CAMTA1: variants seen among roughly 807,000 people sequenced by gnomAD.
CAMTA1 encodes the protein calmodulin binding transcription activator 1.
Under a neutral mutation model 170.9 loss-of-function variants are expected in CAMTA1, and 27 were observed. The observed-to-expected ratio is 0.16, with a 90% confidence interval of 0.12 to 0.22. The LOEUF (loss-of-function observed/expected upper bound fraction) is 0.22. Among genes scored for constraint, CAMTA1 ranks in the 10% least tolerant of loss-of-function variants. CAMTA1 has a pLI of 1.00. For missense variants in CAMTA1, 1,619 were observed against 2,217.2 expected, an observed-to-expected ratio of 0.73 and a Z score of 5.42; for synonymous variants, 833 against 891.5, an observed-to-expected ratio of 0.93 and a Z score of 1.17.
At chr1:7,676,442 T>TG (rs2096121655) in intron 10 of CAMTA1, among the ~76,000 whole-genome samples, 3 of 152,312 alleles carry the variant, frequency 2.0e-5, no homozygotes, top group Non-Finnish European at 4.4e-5. Flanking sequence ...CCACCCAGGA[T>TG]GGACAGCGGC....
intron 1 of CAMTA1, chr1:6,807,133 TG>T: frequency 3.9e-6 from 2 of 507,560 alleles, no homozygotes; most frequent in East Asian, 3.1e-5. Flanking sequence ...TCTGCAAGGT[TG>T]GGGGAGGCTT....
At chr1:7,170,583 T>G (rs1036449764) in intron 4 of CAMTA1, among the ~76,000 whole-genome samples, 2 of 152,168 alleles carry the variant, frequency 1.3e-5, no homozygotes, top group Admixed American at 6.5e-5. Context: ...TCTGTTTCTG[T>G]GTTAATTTGC....
At chr1:7,162,829 G>A (rs1362590293) in intron 4 of CAMTA1, among the ~76,000 whole-genome samples, 1 of 152,194 alleles carries the variant, frequency 6.6e-6, no homozygotes, top group Non-Finnish European at 1.5e-5. Context: ...AGACATAGGG[G>A]TGGAATTGCT....
chr1:6,964,587 T>C (rs1268010771), intron 3 of CAMTA1, among the ~76,000 whole-genome samples: 1 of 152,196 alleles, frequency 6.6e-6, no homozygotes, highest in Admixed American at 6.5e-5. Context: ...TATGGACACT[T>C]TATACTAAGG....
At chr1:6,805,376 G>A (rs1216534458) in intron 1 of CAMTA1, among the ~76,000 whole-genome samples, 1 of 152,164 alleles carries the variant, frequency 6.6e-6, no homozygotes, top group African/African-American at 2.4e-5. Context: ...TGAGTCAATT[G>A]AATTTTTGCT....
rs368369547 is a variant in CAMTA1 at position 7,558,674 on chromosome 1, C to T, written c.511-81726C>T. Among the ~76,000 whole-genome samples, 27 of 152,340 alleles carry T rather than the reference C, an allele frequency of 1.8e-4. No homozygotes were observed. The East Asian group carries it at 2.7e-3, about 15-fold the overall frequency. On this transcript the variant is annotated intron_variant, in intron 6 of 22. Coordinates refer to ENST00000303635, the MANE Select transcript of CAMTA1 (RefSeq NM_015215.4). ...AGCCCCGAAACACACGGAACTCACCCGCTCTGCGGGTCTGGGGTGCAGAGG... is the reference window on the plus strand; with the variant it reads ...AGCCCCGAAACACACGGAACTCACCTGCTCTGCGGGTCTGGGGTGCAGAGG...
At chr1:6,902,501 A>G (rs149891659) in intron 3 of CAMTA1, among the ~76,000 whole-genome samples, 83 of 152,306 alleles carry the variant, frequency 5.4e-4, no homozygotes, top group African/African-American at 1.8e-3. Flanking sequence ...CCAAAATTGT[A>G]TGGGAAGAAA....
chr1:7,183,880 T>A (rs1652725322), intron 4 of CAMTA1, among the ~76,000 whole-genome samples: 1 of 152,190 alleles, frequency 6.6e-6, no homozygotes, highest in African/African-American at 2.4e-5. Flanking sequence ...AAATTGTACC[T>A]AAACAGAGCT....
chr1:7,505,537 G>T (rs1001279589), intron 6 of CAMTA1, among the ~76,000 whole-genome samples: 8 of 152,156 alleles, frequency 5.3e-5, no homozygotes, highest in Non-Finnish European at 1.0e-4. Flanking sequence ...GCCGGGAGGG[G>T]ACCTGGACTT....
At chr1:6,895,864 T>C (rs1417863363) in intron 3 of CAMTA1, among the ~76,000 whole-genome samples, 2 of 152,158 alleles carry the variant, frequency 1.3e-5, no homozygotes, top group African/African-American at 2.4e-5. Flanking sequence ...GTAGCATTTA[T>C]TACTGTCTGA....
rs79955905 is a variant in CAMTA1, at chr1:6,806,019, A to C, written c.46-14162A>C. ...GCTCTGACATTTAGTTCTCTGATAG[A>C]TCTTCAGTTAATTTTTGTACACAGT... On this transcript the variant is annotated intron_variant, in intron 1 of 22. Transcript: ENST00000303635. 7.0e-4 allele frequency among the ~76,000 whole-genome samples: 107 copies of C among 152,164 alleles called. 3 individuals carry two copies. The East Asian group carries it at 0.019, about 27-fold the overall frequency.
intron 5 of CAMTA1, among the ~76,000 whole-genome samples, chr1:7,381,872 T>C (rs543106127): frequency 6.6e-6 from 1 of 151,890 alleles, no homozygotes; most frequent in African/African-American, 2.4e-5. Context: ...TGGTATCTCA[T>C]TGTGGTTTTG....
chr1:7,172,582 A>G (rs1332152751), intron 4 of CAMTA1, among the ~76,000 whole-genome samples: 3 of 152,220 alleles, frequency 2.0e-5, no homozygotes, highest in Non-Finnish European at 4.4e-5. Flanking sequence ...CTTAATGAGC[A>G]CAGAGAGCCT....
intron 21 of CAMTA1, 22 bp downstream of exon 21, chr1:7,752,555 C>T: frequency 6.4e-7 from 1 of 1,572,028 alleles, no homozygotes; most frequent in South Asian, 1.2e-5. Context: ...CTTGTTTATA[C>T]ATTCTGCTCA....
At chr1:7,600,291 C>A (rs531240622) in intron 6 of CAMTA1, among the ~76,000 whole-genome samples, 1 of 149,668 alleles carries the variant, frequency 6.7e-6, no homozygotes, top group East Asian at 1.9e-4. Flanking sequence ...GGGATGAAGC[C>A]CAGTTGATCA....
At position 7,641,188 on chromosome 1, in the gene CAMTA1, C is replaced by T. The variant is rs1479392503; in HGVS notation, c.664+635C>T. ...CACAGCTCCCGGCAGCCGCTGGCGG[C>T]TCTCAGTGGCTTCTCCTGCCCCCTG... On this transcript the variant is annotated intron_variant, in intron 7 of 22. Coordinates refer to ENST00000303635, the MANE Select transcript of CAMTA1 (RefSeq NM_015215.4). The surrounding 1 kb of genome is among the most constrained non-coding windows in gnomAD (Gnocchi z 4.5). 6.6e-6 allele frequency among the ~76,000 whole-genome samples: 1 copy of T among 152,254 alleles called. No individual in the cohort carries two copies. The highest frequency in any genetic ancestry group is 1.5e-5 in the Non-Finnish European group (1 of 68,042).
rs4564160 is a variant in CAMTA1, at chr1:7,070,909, T to A, written c.235-20395T>A. Among the ~76,000 whole-genome samples, 474 of 152,278 alleles carry A rather than the reference T, an allele frequency of 3.1e-3. 5 individuals are homozygous for A. Among genetic ancestry groups the A allele is most frequent in the African/African-American group, 0.011 (456 of 41,556 alleles). On this transcript the variant is annotated intron_variant, in intron 3 of 22. Transcript: ENST00000303635. ...ATGTGCTTTTTCTGGCTCTGAACAC[T>A]GAGGGGAAGTGAGCTTTGGAAGAGA...
chr1:7,516,582 C>G (rs1387479444), intron 6 of CAMTA1, among the ~76,000 whole-genome samples: 1 of 152,192 alleles, frequency 6.6e-6, no homozygotes, highest in African/African-American at 2.4e-5. Flanking sequence ...TTCCTTCCTG[C>G]TTAGACATTT....
rs371383174 is a variant in CAMTA1 at position 7,067,380 on chromosome 1, C to T, written c.235-23924C>T. ...TCTTTAAGCATTGTCTTTCTTTAAA[C>T]AGGCTTCAATGCAACCAATTAGGTT... On this transcript the variant is annotated intron_variant, in intron 3 of 22. Coordinates refer to ENST00000303635, the MANE Select transcript of CAMTA1 (RefSeq NM_015215.4). The surrounding 1 kb of genome is among the most constrained non-coding windows in gnomAD (Gnocchi z 4.3). 6.6e-6 allele frequency among the ~76,000 whole-genome samples: 1 copy of T among 152,150 alleles called. No homozygotes were observed. The highest frequency in any genetic ancestry group is 1.5e-5 in the Non-Finnish European group (1 of 68,044).
Sources: gnomAD v4.1 joint callset for allele counts (sites outside exome capture counted in the v4.1 genomes callset) on GRCh38, gnomAD v4.1.1 for gene constraint, Gnocchi (gnomAD v3.1) non-coding constraint, MANE v1.5 for transcripts, NCBI Gene and HGNC (gene_info 2026-07-23, HGNC 2026-07-21) for gene names.